The following GATAD2A variants were observed in gnomAD, a reference collection of about 807,000 sequenced individuals.
GATAD2A encodes GATA zinc finger domain containing 2A.
GATAD2A carries 12 observed loss-of-function variants against 68.5 expected under a neutral mutation model. The ratio of observed to expected loss-of-function variants is 0.18; its 90% CI spans 0.11 to 0.28. GATAD2A has a LOEUF of 0.28. Among genes scored for constraint, GATAD2A ranks in the 10% least tolerant of loss-of-function variants. GATAD2A has a pLI of 1.00. For synonymous variants in GATAD2A, 410 were observed against 375.3 expected (o/e 1.09, Z -1.07); for missense variants, 755 against 868.5 (o/e 0.87, Z 1.64).
At chr19:19,422,111 C>G (rs966081660) in intron 1 of GATAD2A, among the ~76,000 whole-genome samples, 1 of 152,234 alleles carries the variant, frequency 6.6e-6, no homozygotes. Context: ...GCGTGAGCCA[C>G]TGCACCCAGC....
At chr19:19,447,402 T>C (rs778968266) in intron 1 of GATAD2A, among the ~76,000 whole-genome samples, 2 of 152,214 alleles carry the variant, frequency 1.3e-5, no homozygotes, top group Non-Finnish European at 2.9e-5. Context: ...TTAAGTATCA[T>C]GTTTTACCAA....
At chr19:19,469,761 A>T (rs1231499567) in intron 2 of GATAD2A, among the ~76,000 whole-genome samples, 1 of 152,120 alleles carries the variant, frequency 6.6e-6, no homozygotes. Flanking sequence ...CCCCTGGCCA[A>T]TATGGTGAAA....
intron 1 of GATAD2A, among the ~76,000 whole-genome samples, chr19:19,461,618 C>T (rs1347948730): frequency 6.6e-6 from 1 of 152,220 alleles, no homozygotes; most frequent in Non-Finnish European, 1.5e-5. Flanking sequence ...TGTGGGGTCT[C>T]TAGTGTGGCT....
chr19:19,427,385 G>GGGGACAAA (rs2053222989), intron 1 of GATAD2A: 1 of 151,372 alleles, frequency 6.6e-6, no homozygotes, highest in Admixed American at 6.6e-5. Flanking sequence ...GAATTAGCTT[G>GGGGACAAA]GGGACAAAGG....
intron 1 of GATAD2A, among the ~76,000 whole-genome samples, chr19:19,437,465 C>G (rs996882661): frequency 6.6e-6 from 1 of 152,200 alleles, no homozygotes; most frequent in Non-Finnish European, 1.5e-5. Flanking sequence ...ACAATTCACC[C>G]ATTTGAAGTG....
intron 1 of GATAD2A, among the ~76,000 whole-genome samples, chr19:19,395,955 G>T (rs1485560347): frequency 6.6e-6 from 1 of 152,128 alleles, no homozygotes; most frequent in African/African-American, 2.4e-5. Context: ...TCGTTTGTGG[G>T]CTGGTTTGTT....
exon 1 of GATAD2A, chr19:19,385,884 G>A (rs1359777326): frequency 1.3e-5 from 2 of 151,040 alleles, no homozygotes; most frequent in African/African-American, 4.8e-5. Flanking sequence ...GGCTCCGAGC[G>A]CTGCGCGGCG....
rs1322996085 is a variant in GATAD2A, at chr19:19,405,945, G to A, written c.-81G>A. 2.7e-5 allele frequency: 4 copies of A among 148,250 alleles called. No homozygotes were observed. The highest frequency in any genetic ancestry group is 6.0e-5 in the Non-Finnish European group (4 of 66,744). The allele number at this position is 148,250 out of a possible 1,614,324, so 9.2% of individuals were successfully genotyped here. On this transcript the variant is annotated 5_prime_UTR_variant, in exon 1 of 12. Transcript: ENST00000683918. ...GCGTCCCCGGCCCCTCCGCCGCCCG[G>A]CCCCGCGGGCGACCCCGGACCAGCA... is the stretch of plus-strand genomic sequence containing the variant.
At chr19:19,457,852 T>C (rs973408948) in intron 1 of GATAD2A, among the ~76,000 whole-genome samples, 2 of 152,136 alleles carry the variant, frequency 1.3e-5, no homozygotes, top group Non-Finnish European at 2.9e-5. Context: ...GCCTGGACTT[T>C]CACCCAGCCA....
intron 1 of GATAD2A, among the ~76,000 whole-genome samples, chr19:19,419,697 G>T (rs141633630): frequency 9.6e-4 from 146 of 152,028 alleles, no homozygotes; most frequent in African/African-American, 3.4e-3. Context: ...TTGTATTTTA[G>T]TAGAGATGGG....
At chr19:19,482,889 C>G (rs961923539) in intron 2 of GATAD2A, among the ~76,000 whole-genome samples, 1 of 152,104 alleles carries the variant, frequency 6.6e-6, no homozygotes, top group Non-Finnish European at 1.5e-5. Flanking sequence ...CCTCTGTGGG[C>G]GGGTAGAGGC....
chr19:19,407,903 C>G (rs751215531), intron 1 of GATAD2A, among the ~76,000 whole-genome samples: 1 of 152,174 alleles, frequency 6.6e-6, no homozygotes, highest in African/African-American at 2.4e-5. Context: ...TCTTTCAGTT[C>G]TTATTTGTCT....
intron 2 of GATAD2A, among the ~76,000 whole-genome samples, chr19:19,491,743 C>T (rs1459943392): frequency 6.6e-6 from 1 of 152,214 alleles, no homozygotes; most frequent in Non-Finnish European, 1.5e-5. Flanking sequence ...CCTCGGTCTT[C>T]TGGGGACAGG....
At chr19:19,481,496 T>G (rs1487068557) in intron 2 of GATAD2A, among the ~76,000 whole-genome samples, 1 of 152,050 alleles carries the variant, frequency 6.6e-6, no homozygotes, top group Non-Finnish European at 1.5e-5. Context: ...ATGCCCAGCT[T>G]TTTAATTTTT....
chr19:19,464,853 T>G, intron 1 of GATAD2A: 1 of 180,964 alleles, frequency 5.5e-6, no homozygotes, highest in South Asian at 1.2e-4. Flanking sequence ...AAGCTGGGGT[T>G]AACTCGAGTC....
chr19:19,478,959 GGTTCCC>G (rs767274043), intron 2 of GATAD2A, among the ~76,000 whole-genome samples: 2 of 152,202 alleles, frequency 1.3e-5, no homozygotes, highest in Non-Finnish European at 2.9e-5. Flanking sequence ...GCAGCTGCTA[GGTTCCC>G]GTGGCTATTT....
Position 19,505,669 on chromosome 19 carries a change from G to C in GATAD2A, c.*195G>C, listed in dbSNP as rs1031178262. 3.4e-5 allele frequency: 17 copies of C among 504,812 alleles called. No individual in the cohort carries two copies. Among genetic ancestry groups the C allele is most frequent in the Non-Finnish European group, 5.5e-5 (16 of 291,924 alleles). 31.3% of individuals were successfully genotyped at this position (504,812 alleles called of 1,614,324 possible). A position where few individuals can be genotyped will look rare whatever the true frequency, so the allele number is the denominator to read the frequency against. On this transcript the variant is annotated 3_prime_UTR_variant, in exon 12 of 12. Coordinates refer to ENST00000683918, the MANE Select transcript of GATAD2A (RefSeq NM_001384528.1). Reference sequence around the variant, plus strand: ...TCATCAGGGCTAGGGGGCTGGTGCCGCCTCATAGGCAGACGAGGATCATCG... The same window carrying C: ...TCATCAGGGCTAGGGGGCTGGTGCCCCCTCATAGGCAGACGAGGATCATCG...
At chr19:19,442,140 G>A (rs1187251042) in intron 1 of GATAD2A, among the ~76,000 whole-genome samples, 2 of 152,206 alleles carry the variant, frequency 1.3e-5, no homozygotes, top group South Asian at 2.1e-4. Context: ...GATTACAGGC[G>A]TGAGCCACTG....
Position 19,505,325 on chromosome 19 carries a change from T to G in GATAD2A, c.1775-19T>G. 1 of 1,611,532 alleles carries G rather than the reference T, an allele frequency of 6.2e-7. No homozygotes were observed. Among genetic ancestry groups the G allele is most frequent in the Non-Finnish European group, 8.5e-7 (1 of 1,178,966 alleles). On this transcript the variant is annotated intron_variant, in intron 11 of 11. Transcript: ENST00000683918. ...TCCTGACGAGGGCCTTCTCAGCTGGTCGCTCTGTTCTGTTGCAGGCGGGAC... is the reference window on the plus strand; with the variant it reads ...TCCTGACGAGGGCCTTCTCAGCTGGGCGCTCTGTTCTGTTGCAGGCGGGAC...
Sources: allele counts gnomAD v4.1 joint callset (sites outside exome capture counted in the v4.1 genomes callset), GRCh38; gene constraint gnomAD v4.1.1; transcripts MANE v1.5; gene names NCBI Gene and HGNC (gene_info 2026-07-23, HGNC 2026-07-21).